The following KHDRBS2 variants were observed in gnomAD, a reference collection of about 807,000 sequenced individuals.
KHDRBS2 encodes KH domain-containing, RNA-binding, signal transduction-associated protein 2.
A neutral mutation model predicts 44.3 loss-of-function variants in KHDRBS2; 26 were observed. The ratio of observed to expected loss-of-function variants is 0.59; its 90% CI spans 0.43 to 0.81. The LOEUF is 0.81. KHDRBS2 is among the 40% of genes least tolerant of loss of function. The pLI is 0.00. For missense variants in KHDRBS2, 476 were observed against 433.1 expected, an observed-to-expected ratio of 1.10 and a Z score of -0.88; for synonymous variants, 194 against 151.1, an observed-to-expected ratio of 1.28 and a Z score of -2.08.
At chr6:61,599,128 G>C in the KHDRBS2 span, among the ~76,000 whole-genome samples, 1 of 151,812 alleles carries the variant, frequency 6.6e-6, no homozygotes, top group Non-Finnish European at 1.5e-5. Flanking sequence ...TAGAGACGAG[G>C]TTTCACCATG....
chr6:62,105,632 A>T (rs1803033792), intron 2 of KHDRBS2, among the ~76,000 whole-genome samples: 1 of 152,016 alleles, frequency 6.6e-6, no homozygotes, highest in Admixed American at 6.5e-5. Flanking sequence ...TATCCCCTTT[A>T]TCATTTTTTA....
chr6:61,974,267 T>C (rs1281457127), intron 4 of KHDRBS2, among the ~76,000 whole-genome samples: 1 of 152,080 alleles, frequency 6.6e-6, no homozygotes, highest in Non-Finnish European at 1.5e-5. Context: ...AACTATGGTG[T>C]AAATGTTACC....
chr6:62,266,417 A>T (rs551550245), intron 1 of KHDRBS2, among the ~76,000 whole-genome samples: 1 of 152,170 alleles, frequency 6.6e-6, no homozygotes, highest in South Asian at 2.1e-4. Context: ...TCTAAGGCTG[A>T]TGAAATTCAA....
chr6:62,030,489 A>C (rs1180825230), intron 3 of KHDRBS2, among the ~76,000 whole-genome samples: 1 of 152,056 alleles, frequency 6.6e-6, no homozygotes, highest in Admixed American at 6.6e-5. Context: ...ATGAGAATCA[A>C]GTTAATTTCT....
intron 3 of KHDRBS2, among the ~76,000 whole-genome samples, chr6:62,003,689 C>T (rs143330405): frequency 0.13 from 19,981 of 152,150 alleles, 1,872 homozygotes; most frequent in Non-Finnish European, 0.18. Context: ...ACAGAACTCT[C>T]TACCCAAAAT....
At chr6:62,120,669 TCTTA>T (rs1807408219) in intron 2 of KHDRBS2, among the ~76,000 whole-genome samples, 1 of 152,266 alleles carries the variant, frequency 6.6e-6, no homozygotes, top group South Asian at 2.1e-4. Context: ...CCTACTGCAT[TCTTA>T]CTTAATTTGT....
chr6:61,685,205 T>G (rs1302072070), intron 8 of KHDRBS2, among the ~76,000 whole-genome samples: 1 of 151,822 alleles, frequency 6.6e-6, no homozygotes, highest in Admixed American at 6.6e-5. Flanking sequence ...TGAGCAAATA[T>G]ACTTAGTAAG....
chr6:61,609,461 T>C, the KHDRBS2 span, among the ~76,000 whole-genome samples: 2 of 152,112 alleles, frequency 1.3e-5, no homozygotes, highest in Non-Finnish European at 2.9e-5. Flanking sequence ...ATTTATAATG[T>C]TGGTGAATCC....
chr6:62,114,773 G>C (rs1584789448), intron 2 of KHDRBS2, among the ~76,000 whole-genome samples: 1 of 146,754 alleles, frequency 6.8e-6, no homozygotes, highest in Non-Finnish European at 1.5e-5. Context: ...TGGCTCCAGA[G>C]TCTGAACCCT....
Position 62,086,490 on chromosome 6 carries a change from G to A in KHDRBS2, c.220-38496C>T, listed in dbSNP as rs114850853. On this transcript the variant is annotated intron_variant, in intron 2 of 8. Coordinates refer to ENST00000281156, the MANE Select transcript of KHDRBS2 (RefSeq NM_152688.4). The stretch of plus-strand genomic sequence containing the variant: ...AATCTGAGAATATTGTGAAAGTGGA[G>A]GCAGTGGTGGTGGCATAGTGTTGAA... 3.8e-3 allele frequency among the ~76,000 whole-genome samples: 584 copies of A among 152,258 alleles called. 2 individuals carry two copies. Among genetic ancestry groups the A allele is most frequent in the African/African-American group, 0.014 (565 of 41,560 alleles).
intron 4 of KHDRBS2, among the ~76,000 whole-genome samples, chr6:61,905,582 C>T (rs1401537982): frequency 6.6e-6 from 1 of 152,142 alleles, no homozygotes; most frequent in Non-Finnish European, 1.5e-5. Flanking sequence ...GTGTCAACTA[C>T]ACATACTTGT....
intron 3 of KHDRBS2, among the ~76,000 whole-genome samples, chr6:61,994,099 G>T (rs769403865): frequency 6.6e-6 from 1 of 152,062 alleles, no homozygotes; most frequent in Non-Finnish European, 1.5e-5. Context: ...GCTGTTATTG[G>T]TACACAAGAA....
intron 1 of KHDRBS2, among the ~76,000 whole-genome samples, chr6:62,203,366 G>A (rs546042350): frequency 6.6e-5 from 10 of 152,218 alleles, no homozygotes; most frequent in Admixed American, 2.6e-4. Context: ...GTTTGGACTA[G>A]GGTGGTAATG....
Position 62,243,604 on chromosome 6 carries a change from CAA to C in KHDRBS2, c.91+42252_91+42253del, listed in dbSNP as rs11306947. Among the ~76,000 whole-genome samples the C allele has an allele frequency of 6.2e-3, 718 of 116,496 alleles. 8 individuals carry two copies. In the South Asian group the frequency reaches 0.073, roughly 12 times the overall value. 76.4% of individuals were successfully genotyped at this position (116,496 alleles called of 152,430 possible). Reference sequence around the variant, plus strand: ...TCAAACATAATACATCATACCTATACAAAAAAAAAAAAAACTCATTATACTAA... The same window carrying C: ...TCAAACATAATACATCATACCTATACAAAAAAAAAAAACTCATTATACTAA... On this transcript the variant is annotated intron_variant, in intron 1 of 8. Coordinates refer to ENST00000281156, the MANE Select transcript of KHDRBS2 (RefSeq NM_152688.4).
At chr6:61,677,872 G>A (rs761261242), downstream of KHDRBS2, among the ~76,000 whole-genome samples, 4 of 151,764 alleles carry the variant, frequency 2.6e-5, no homozygotes, top group East Asian at 5.9e-4. Flanking sequence ...TCCTCACAGC[G>A]AATGAGCTAC....
chr6:61,604,051 C>T, the KHDRBS2 span, among the ~76,000 whole-genome samples: 3 of 152,200 alleles, frequency 2.0e-5, no homozygotes, highest in Non-Finnish European at 4.4e-5. Flanking sequence ...CTCAACCAGC[C>T]AAACTCCTTT....
chr6:61,851,289 G>A (rs572484431), intron 6 of KHDRBS2, among the ~76,000 whole-genome samples: 1 of 152,060 alleles, frequency 6.6e-6, no homozygotes, highest in Admixed American at 6.6e-5. Context: ...GTATATGTGT[G>A]TGTGTGTATA....
intron 1 of KHDRBS2, among the ~76,000 whole-genome samples, chr6:62,272,322 G>A (rs1374411572): frequency 2.0e-5 from 3 of 152,112 alleles, no homozygotes; most frequent in Non-Finnish European, 4.4e-5. Flanking sequence ...CTTTGGCACT[G>A]AGTAACAAAT....
intron 6 of KHDRBS2, among the ~76,000 whole-genome samples, chr6:61,843,109 T>C (rs1374049567): frequency 6.6e-6 from 1 of 151,962 alleles, no homozygotes; most frequent in East Asian, 1.9e-4. Context: ...ATTCCATTTA[T>C]ATGAAATGTC....
Sources: gnomAD v4.1 joint callset for allele counts (sites outside exome capture counted in the v4.1 genomes callset) on GRCh38, gnomAD v4.1.1 for gene constraint, MANE v1.5 for transcripts, NCBI Gene and HGNC (gene_info 2026-07-23, HGNC 2026-07-21) for gene names.